AKAP13: variants seen among roughly 807,000 people sequenced by gnomAD.
AKAP13 encodes the protein A-kinase anchor protein 13.
Under a neutral mutation model 264.5 loss-of-function variants are expected in AKAP13, and 80 were observed. The observed-to-expected ratio is 0.30, with a 90% confidence interval of 0.25 to 0.36. The LOEUF (loss-of-function observed/expected upper bound fraction) is 0.36. AKAP13 is among the 10% of genes least tolerant of loss of function. The pLI is 1.00. For synonymous variants in AKAP13, 1,380 were observed against 1,250.2 expected (o/e 1.10, Z -2.19); for missense variants, 3,712 against 3,435.2 (o/e 1.08, Z -2.01).
intron 1 of AKAP13, among the ~76,000 whole-genome samples, chr15:85,463,545 G>A (rs1415266144): frequency 6.6e-6 from 1 of 152,214 alleles, no homozygotes; most frequent in Non-Finnish European, 1.5e-5. Context: ...TATATGGATG[G>A]TGGTTTTTTG....
At chr15:85,666,031 G>A (rs1265484515) in intron 13 of AKAP13, among the ~76,000 whole-genome samples, 2 of 152,116 alleles carry the variant, frequency 1.3e-5, no homozygotes, top group African/African-American at 4.8e-5. Context: ...AATCCTTTGG[G>A]TATATACCCA....
At chr15:85,636,996 C>G (rs62022873) in intron 8 of AKAP13, among the ~76,000 whole-genome samples, 12,483 of 152,228 alleles carry the variant, frequency 0.082, 726 homozygotes, top group Non-Finnish European at 0.12. Context: ...AGTGCTAAAC[C>G]AACCTTAAAT....
At chr15:85,728,343 A>T (rs959665860) in intron 29 of AKAP13, among the ~76,000 whole-genome samples, 2 of 152,196 alleles carry the variant, frequency 1.3e-5, no homozygotes, top group African/African-American at 4.8e-5. Context: ...TGTCTCACTG[A>T]GGGGGAAATT....
intron 3 of AKAP13, among the ~76,000 whole-genome samples, chr15:85,530,743 C>A (rs2077217917): frequency 6.6e-6 from 1 of 152,170 alleles, no homozygotes; most frequent in African/African-American, 2.4e-5. Context: ...TAAAGCAGTT[C>A]TCCTGACTGA....
intron 1 of AKAP13, among the ~76,000 whole-genome samples, chr15:85,465,298 T>C (rs1343337518): frequency 6.6e-6 from 1 of 152,194 alleles, no homozygotes; most frequent in East Asian, 1.9e-4. Flanking sequence ...TGTTCTTTAG[T>C]AGGCTAGAGA....
chr15:85,708,486 G>C lies in AKAP13; in HGVS notation c.5532+400G>C, dbSNP rs1485335146. On this transcript the variant is annotated intron_variant, in intron 18 of 36. Transcript: ENST00000394518. This position sits in a 1 kb window ranked among gnomAD's most constrained non-coding sequence, Gnocchi z 4.3. ...AGGTCAGGGGCATTGACCTGCTGGT[G>C]GGGGTGGGGAGGGTGTTATGGTTAG... Among the ~76,000 whole-genome samples, 1 of 152,144 alleles carries C rather than the reference G, an allele frequency of 6.6e-6. No homozygotes were observed. The highest frequency in any genetic ancestry group is 1.5e-5 in the Non-Finnish European group (1 of 68,018).
At chr15:85,613,486 CCTGG>C (rs1478568252) in intron 8 of AKAP13, among the ~76,000 whole-genome samples, 1 of 151,780 alleles carries the variant, frequency 6.6e-6, no homozygotes, top group East Asian at 1.9e-4. Flanking sequence ...TCGAGACCAT[CCTGG>C]CTAACACGGT....
intron 17 of AKAP13, among the ~76,000 whole-genome samples, chr15:85,699,524 A>G (rs2085781706): frequency 6.6e-6 from 1 of 152,212 alleles, no homozygotes; most frequent in African/African-American, 2.4e-5. Flanking sequence ...AAAGAGAAAT[A>G]AGGAGAAAAG....
At chr15:85,501,282 C>T (rs183403613) in intron 2 of AKAP13, among the ~76,000 whole-genome samples, 5 of 152,304 alleles carry the variant, frequency 3.3e-5, no homozygotes, top group Non-Finnish European at 7.4e-5. Flanking sequence ...TCCACAAATC[C>T]TCATTTTCCA....
chr15:85,465,758 G>A (rs983054577), intron 1 of AKAP13, among the ~76,000 whole-genome samples: 1 of 150,890 alleles, frequency 6.6e-6, no homozygotes, highest in African/African-American at 2.4e-5. Flanking sequence ...ATCATTGTTG[G>A]ACATTTCGGT....
chr15:85,512,998 A>G (rs543506585), intron 2 of AKAP13, among the ~76,000 whole-genome samples: 3 of 152,060 alleles, frequency 2.0e-5, no homozygotes, highest in Admixed American at 2.0e-4. Flanking sequence ...CTGGGACTAC[A>G]GGCACCCACC....
At chr15:85,554,301 A>G (rs529081530) in intron 5 of AKAP13, among the ~76,000 whole-genome samples, 1 of 152,364 alleles carries the variant, frequency 6.6e-6, no homozygotes, top group Non-Finnish European at 1.5e-5. Context: ...GAACATGTTT[A>G]TAAAGTTCTT....
chr15:85,614,632 A>T (rs939695307), intron 8 of AKAP13, among the ~76,000 whole-genome samples: 3 of 152,222 alleles, frequency 2.0e-5, no homozygotes, highest in African/African-American at 7.2e-5. Context: ...TCTTTCCTCA[A>T]ATACTAACTT....
intron 3 of AKAP13, among the ~76,000 whole-genome samples, chr15:85,531,099 G>A (rs2077227829): frequency 6.6e-6 from 1 of 152,156 alleles, no homozygotes; most frequent in Non-Finnish European, 1.5e-5. Context: ...GGCCTCAAGT[G>A]ATCTGCCTGC....
chr15:85,523,202 AC>A (rs1329314321), intron 3 of AKAP13, among the ~76,000 whole-genome samples: 1 of 151,910 alleles, frequency 6.6e-6, no homozygotes, highest in East Asian at 1.9e-4. Context: ...TCCTGACCGG[AC>A]CCTATTGCTC....
intron 1 of AKAP13, among the ~76,000 whole-genome samples, chr15:85,407,921 T>G (rs1239489246): frequency 6.6e-6 from 1 of 151,496 alleles, no homozygotes; most frequent in Admixed American, 6.6e-5. Flanking sequence ...TTTGGACAGA[T>G]TGTGAGGGCT....
chr15:85,512,029 A>G (rs1425924591), intron 2 of AKAP13, among the ~76,000 whole-genome samples: 2 of 151,708 alleles, frequency 1.3e-5, no homozygotes, highest in African/African-American at 2.4e-5. Context: ...CTTTCAGTAT[A>G]TACCACATAA....
At chr15:85,734,907 C>A (rs1044411349) in intron 30 of AKAP13, 85 bp from the exon 31 acceptor site, 1 of 1,520,530 alleles carries the variant, frequency 6.6e-7, no homozygotes, top group South Asian at 1.3e-5. Context: ...AAGTCGTGCT[C>A]TTTGTACGTA....
At chr15:85,491,497 T>TA (rs375544509) in intron 2 of AKAP13, among the ~76,000 whole-genome samples, 11 of 140,692 alleles carry the variant, frequency 7.8e-5, no homozygotes, top group African/African-American at 2.9e-4. Flanking sequence ...TTATATATAT[T>TA]TATTATATAT....
Sources: gnomAD v4.1 joint callset for allele counts (sites outside exome capture counted in the v4.1 genomes callset) on GRCh38, gnomAD v4.1.1 for gene constraint, Gnocchi (gnomAD v3.1) non-coding constraint, MANE v1.5 for transcripts, NCBI Gene and HGNC (gene_info 2026-07-23, HGNC 2026-07-21) for gene names.